The following PALLD variants were observed in gnomAD, a reference collection of about 807,000 sequenced individuals.
PALLD encodes the protein palladin, cytoskeletal associated protein, also known as palladin.
PALLD carries 61 observed loss-of-function variants against 123.5 expected under a neutral mutation model. The ratio of observed to expected loss-of-function variants is 0.49; its 90% CI spans 0.40 to 0.61. The LOEUF (loss-of-function observed/expected upper bound fraction) is 0.61, where lower values mean the gene tolerates loss of function less well. PALLD is among the 20% of genes least tolerant of loss of function. The probability of loss-of-function intolerance (pLI) is 0.00; values close to 1 mark genes in which losing one functional copy is unlikely to be tolerated. For synonymous variants in PALLD, 465 were observed against 496.4 expected (o/e 0.94, Z 0.84); for missense variants, 1,273 against 1,377.0 (o/e 0.92, Z 1.20).
intron 10 of PALLD, among the ~76,000 whole-genome samples, chr4:168,747,401 C>T (rs1730468772): frequency 6.6e-6 from 1 of 152,186 alleles, no homozygotes. Flanking sequence ...CAAGAGAGAA[C>T]AGTAAAGGCA....
chr4:168,691,059 T>C (rs959527624), intron 7 of PALLD, among the ~76,000 whole-genome samples: 4 of 152,190 alleles, frequency 2.6e-5, no homozygotes, highest in African/African-American at 4.8e-5. Context: ...TTTCTTAGTG[T>C]AAGTTGATAC....
chr4:168,672,804 C>A (rs1397091243), intron 3 of PALLD, among the ~76,000 whole-genome samples: 2 of 152,106 alleles, frequency 1.3e-5, no homozygotes, highest in Non-Finnish European at 2.9e-5. Context: ...TGTTCTCACT[C>A]ATATGTGAAA....
chr4:168,599,620 G>C (rs1480424719), intron 2 of PALLD, among the ~76,000 whole-genome samples: 1 of 152,078 alleles, frequency 6.6e-6, no homozygotes, highest in East Asian at 1.9e-4. Context: ...GAGCAAGTTA[G>C]CCAGGCATGG....
At chr4:168,540,486 G>C (rs954346712) in intron 2 of PALLD, among the ~76,000 whole-genome samples, 4 of 152,038 alleles carry the variant, frequency 2.6e-5, no homozygotes, top group African/African-American at 9.7e-5. Flanking sequence ...TCTGAAACGG[G>C]TTTTAGGATT....
intron 10 of PALLD, among the ~76,000 whole-genome samples, chr4:168,875,736 C>T (rs1027296165): frequency 6.6e-6 from 1 of 152,210 alleles, no homozygotes; most frequent in Non-Finnish European, 1.5e-5. Flanking sequence ...CTTGGGTTAG[C>T]AAACATGATG....
intron 10 of PALLD, among the ~76,000 whole-genome samples, chr4:168,849,475 T>C (rs933993368): frequency 2.0e-5 from 3 of 152,234 alleles, no homozygotes; most frequent in African/African-American, 7.2e-5. Context: ...ATTTTGGCAC[T>C]GAAACTTCTT....
chr4:168,551,676 TG>T (rs1331557999), intron 2 of PALLD, among the ~76,000 whole-genome samples: 27 of 152,182 alleles, frequency 1.8e-4, no homozygotes, highest in African/African-American at 6.5e-4. Context: ...TTTTATAACT[TG>T]TTTTTTTAAA....
At chr4:168,671,503 A>G (rs1780276256) in intron 3 of PALLD, among the ~76,000 whole-genome samples, 2 of 152,192 alleles carry the variant, frequency 1.3e-5, no homozygotes, top group Non-Finnish European at 2.9e-5. Flanking sequence ...GTGACTTTAG[A>G]TAAATTGAAG....
intron 2 of PALLD, among the ~76,000 whole-genome samples, chr4:168,602,194 A>G (rs75254016): frequency 0.19 from 28,469 of 152,218 alleles, 3,066 homozygotes; most frequent in East Asian, 0.52. Context: ...GGAAATGGAC[A>G]GATATCTGTC....
intron 2 of PALLD, among the ~76,000 whole-genome samples, chr4:168,607,594 A>C (rs567501318): frequency 5.0e-4 from 76 of 152,290 alleles, no homozygotes. Flanking sequence ...TGTTATTGGC[A>C]CTTTTGATTA....
At chr4:168,555,414 G>A (rs1186372160) in intron 2 of PALLD, among the ~76,000 whole-genome samples, 2 of 152,160 alleles carry the variant, frequency 1.3e-5, no homozygotes, top group Non-Finnish European at 2.9e-5. Flanking sequence ...GTGGGGAGAG[G>A]GGTAATTTGC....
chr4:168,554,567 G>A lies in PALLD; in HGVS notation c.908+42155G>A, dbSNP rs557583607. 5.3e-5 allele frequency among the ~76,000 whole-genome samples: 8 copies of A among 152,282 alleles called. No individual in the cohort carries two copies. In the South Asian group the frequency reaches 8.3e-4, roughly 16 times the overall value. ...TTTTAGAATTGTTTAAAACAAAAGC[G>A]ACTATTATTATTTAACAAGTTGTAA... On this transcript the variant is annotated intron_variant, in intron 2 of 21. Transcript: ENST00000505667.
intron 2 of PALLD, among the ~76,000 whole-genome samples, chr4:168,622,791 T>G (rs1438516550): frequency 6.6e-6 from 1 of 152,200 alleles, no homozygotes; most frequent in Non-Finnish European, 1.5e-5. Context: ...ACCCAGACAC[T>G]CTGAGATGTC....
chr4:168,527,630 T>G (rs1764198556), intron 2 of PALLD, among the ~76,000 whole-genome samples: 1 of 152,028 alleles, frequency 6.6e-6, no homozygotes, highest in African/African-American at 2.4e-5. Flanking sequence ...ATACAAGCAT[T>G]TAAATATGAG....
intron 2 of PALLD, among the ~76,000 whole-genome samples, chr4:168,539,948 AC>A (rs1292137488): frequency 4.0e-5 from 6 of 151,044 alleles, no homozygotes; most frequent in Admixed American, 3.3e-4. Context: ...TTAGTTTCTC[AC>A]CCCCTTCCCT....
chr4:168,687,547 C>G (rs1346329128), intron 6 of PALLD, among the ~76,000 whole-genome samples: 1 of 152,164 alleles, frequency 6.6e-6, no homozygotes, highest in Non-Finnish European at 1.5e-5. Flanking sequence ...GCCCAACACG[C>G]CTCTTGGTTT....
At chr4:168,583,746 T>G (rs1378807680) in intron 2 of PALLD, among the ~76,000 whole-genome samples, 2 of 152,204 alleles carry the variant, frequency 1.3e-5, no homozygotes, top group Non-Finnish European at 2.9e-5. Flanking sequence ...GATAATATTT[T>G]TCTTTTCCTA....
chr4:168,841,576 A>G (rs1746038873), intron 10 of PALLD, among the ~76,000 whole-genome samples: 1 of 152,068 alleles, frequency 6.6e-6, no homozygotes, highest in African/African-American at 2.4e-5. Context: ...TTGAGTAGAC[A>G]CCTCAGCCAC....
At chr4:168,917,245 T>C (rs1270560419) in intron 17 of PALLD, among the ~76,000 whole-genome samples, 1 of 151,748 alleles carries the variant, frequency 6.6e-6, no homozygotes, top group Non-Finnish European at 1.5e-5. Flanking sequence ...AGACGGGGTT[T>C]CACCATATTG....
Sources: allele counts gnomAD v4.1 joint callset (sites outside exome capture counted in the v4.1 genomes callset), GRCh38; gene constraint gnomAD v4.1.1; transcripts MANE v1.5; gene names NCBI Gene and HGNC (gene_info 2026-07-23, HGNC 2026-07-21).